The following FRMPD4 variants were observed in gnomAD, a reference collection of about 807,000 sequenced individuals.
FRMPD4 encodes FERM and PDZ domain containing 4, also known as FERM and PDZ domain-containing protein 4.
In FRMPD4, 22 loss-of-function variants were observed where a neutral mutation model predicts 94.1. The ratio of observed to expected loss-of-function variants is 0.23; its 90% CI spans 0.17 to 0.33. FRMPD4 has a LOEUF of 0.33. FRMPD4 is among the 10% of genes least tolerant of loss of function. The pLI is 1.00. For missense variants in FRMPD4, 1,111 were observed against 1,339.9 expected (o/e 0.83, Z 2.67); for synonymous variants, 631 against 548.6 (o/e 1.15, Z -2.10).
rs771216270 is a variant in FRMPD4 at position 12,260,328 on chromosome X, A to G, written c.41+121316A>G. Among the ~76,000 whole-genome samples, 130 of 111,914 alleles carry G rather than the reference A, an allele frequency of 1.2e-3. 1 individual carries two copies. The highest frequency in any genetic ancestry group is 3.8e-3 in the African/African-American group (117 of 30,869). On this transcript the variant is annotated intron_variant, in intron 1 of 16. Transcript: ENST00000675598. Reference sequence around the variant, plus strand: ...ACTTCCCCTAAAAGATATGTCTCCAAATTTATCCTATGTTCTTCCTTGTTT... The same window carrying G: ...ACTTCCCCTAAAAGATATGTCTCCAGATTTATCCTATGTTCTTCCTTGTTT...
intron 3 of FRMPD4, among the ~76,000 whole-genome samples, chrX:12,102,985 CT>C (rs2055267903): frequency 9.0e-6 from 1 of 111,161 alleles, no homozygotes; most frequent in Admixed American, 9.6e-5. Context: ...TATGACTTGT[CT>C]TTTGTCATAT....
chrX:12,670,496 A>C (rs2059829473), intron 4 of FRMPD4, among the ~76,000 whole-genome samples: 1 of 112,329 alleles, frequency 8.9e-6, no homozygotes, highest in African/African-American at 3.2e-5. Context: ...TGGGGAAAGG[A>C]TTCCCTATTT....
At chrX:12,718,811 G>A (rs776710772) in intron 16 of FRMPD4, 21 bp downstream of exon 16, 3 of 1,012,870 alleles carry the variant, frequency 3.0e-6, no homozygotes, top group Non-Finnish European at 4.2e-6. Context: ...GATGGATTTA[G>A]CACTTTGTAT....
intron 1 of FRMPD4, among the ~76,000 whole-genome samples, chrX:12,355,251 C>T (rs759410254): frequency 8.2e-5 from 9 of 110,137 alleles, no homozygotes; most frequent in South Asian, 4.0e-4. Context: ...TCACAGCTCA[C>T]GGCAGCCTCG....
chrX:12,494,161 T>C (rs1407165938), intron 1 of FRMPD4, among the ~76,000 whole-genome samples: 1 of 112,350 alleles, frequency 8.9e-6, no homozygotes, highest in African/African-American at 3.2e-5. Flanking sequence ...GAATTGTGCA[T>C]TAATTACATT....
At chrX:12,657,906 A>G (rs1265635957) in intron 4 of FRMPD4, among the ~76,000 whole-genome samples, 1 of 112,202 alleles carries the variant, frequency 8.9e-6, no homozygotes, top group African/African-American at 3.2e-5. Flanking sequence ...TGGGCTTACT[A>G]CAACATCACT....
At chrX:12,144,759 G>GTA (rs954827609) in intron 1 of FRMPD4, among the ~76,000 whole-genome samples, 1 of 106,693 alleles carries the variant, frequency 9.4e-6, no homozygotes, top group Non-Finnish European at 1.9e-5. Flanking sequence ...TACATTTGAA[G>GTA]TATATATATA....
chrX:11,966,858 A>T (rs1199383958), intron 3 of FRMPD4, among the ~76,000 whole-genome samples: 1 of 111,727 alleles, frequency 9.0e-6, no homozygotes, highest in Non-Finnish European at 1.9e-5. Flanking sequence ...ACTGACTTAT[A>T]TGAATGCAAC....
chrX:12,567,286 C>A (rs1405683154), intron 2 of FRMPD4, among the ~76,000 whole-genome samples: 2 of 111,753 alleles, frequency 1.8e-5, no homozygotes, highest in Non-Finnish European at 3.8e-5. Context: ...GCTGGTTGTC[C>A]CAGAGCCACT....
intron 1 of FRMPD4, among the ~76,000 whole-genome samples, chrX:12,397,002 G>T (rs965631174): frequency 1.8e-5 from 2 of 111,379 alleles, no homozygotes; most frequent in Admixed American, 9.5e-5. Context: ...TGAGGAGGCC[G>T]GCCCAATGCT....
chrX:12,395,438 C>T (rs1331116316), intron 1 of FRMPD4, among the ~76,000 whole-genome samples: 2 of 112,095 alleles, frequency 1.8e-5, no homozygotes, highest in East Asian at 5.6e-4. Flanking sequence ...AATTTACTTC[C>T]AGTTACTCAT....
intron 3 of FRMPD4, among the ~76,000 whole-genome samples, chrX:11,905,702 C>T (rs1477880989): frequency 9.0e-6 from 1 of 111,011 alleles, no homozygotes; most frequent in Non-Finnish European, 1.9e-5. Context: ...AACGTGTGCT[C>T]CTAACCCCAA....
In FRMPD4 at chrX:11,941,277, C is replaced by G. The variant is rs865894713; in HGVS notation, c.95+63259C>G. On this transcript the variant is annotated intron_variant, in intron 3 of 18. Coordinates refer to the FRMPD4 transcript ENST00000640291. ...GTCGCTCACGCTGGGAGCTGTAGAC[C>G]GGAGCTGTTCCTATTCGGCCATCTT... 2.0e-5 allele frequency among the ~76,000 whole-genome samples: 2 copies of G among 101,829 alleles called. 1 individual carries two copies. The highest frequency in any genetic ancestry group is 1.0e-3 in the South Asian group (2 of 1,929). The allele number at this position is 101,829 out of a possible 115,157, so 88.4% of individuals were successfully genotyped here. A position where few individuals can be genotyped will look rare whatever the true frequency, so the allele number is the denominator to read the frequency against.
At chrX:12,668,024 G>T (rs1458111839) in intron 4 of FRMPD4, among the ~76,000 whole-genome samples, 8 of 112,328 alleles carry the variant, frequency 7.1e-5, no homozygotes, top group Non-Finnish European at 1.3e-4. Context: ...TTATCTAAAT[G>T]TAGTTATAAC....
At chrX:11,824,257 T>TC (rs1263878523) in intron 1 of FRMPD4, among the ~76,000 whole-genome samples, 2 of 108,647 alleles carry the variant, frequency 1.8e-5, no homozygotes, top group Non-Finnish European at 3.9e-5. Context: ...CAAGTTAAGT[T>TC]TGGGGCACAT....
At chrX:12,548,692 T>A (rs2058503247) in intron 2 of FRMPD4, among the ~76,000 whole-genome samples, 1 of 112,081 alleles carries the variant, frequency 8.9e-6, no homozygotes, top group Non-Finnish European at 1.9e-5. Flanking sequence ...TTGGAACCGA[T>A]AGAGAACTGG....
chrX:11,856,794 A>G (rs1797366499), intron 1 of FRMPD4, among the ~76,000 whole-genome samples: 1 of 112,070 alleles, frequency 8.9e-6, no homozygotes, highest in Non-Finnish European at 1.9e-5. Flanking sequence ...ATGTAATTCT[A>G]TATCTAGAAA....
chrX:12,580,822 A>G (rs1488124167), intron 2 of FRMPD4, among the ~76,000 whole-genome samples: 1 of 112,244 alleles, frequency 8.9e-6, no homozygotes. Flanking sequence ...TGTAGTATAT[A>G]TAGTGTGAAT....
intron 1 of FRMPD4, among the ~76,000 whole-genome samples, chrX:12,457,350 T>C (rs1365499206): frequency 1.8e-5 from 2 of 111,500 alleles, no homozygotes; most frequent in African/African-American, 3.3e-5. Flanking sequence ...TCCTCATGTT[T>C]CTCACTCCAC....
Sources: allele counts gnomAD v4.1 joint callset (sites outside exome capture counted in the v4.1 genomes callset), GRCh38; gene constraint gnomAD v4.1.1; transcripts MANE v1.5; gene names NCBI Gene and HGNC (gene_info 2026-07-23, HGNC 2026-07-21).